Variants in SLC6A3 observed in about 807,000 individuals in gnomAD.
The protein encoded by SLC6A3 is sodium-dependent dopamine transporter.
In SLC6A3, 19 loss-of-function variants were observed where a neutral mutation model predicts 70.4. That is an observed-to-expected ratio of 0.27 (90% CI 0.19 to 0.40). SLC6A3 has a LOEUF of 0.40. Among genes scored for constraint, SLC6A3 ranks in the 10% least tolerant of loss-of-function variants. SLC6A3 has a pLI of 1.00. For missense variants in SLC6A3, 613 were observed against 838.5 expected (o/e 0.73, Z 3.32); for synonymous variants, 368 against 356.6 (o/e 1.03, Z -0.36).
At chr5:1,441,569 C>T in intron 2 of SLC6A3, 79 bp from the exon 3 acceptor site, 5 of 1,532,522 alleles carry the variant, frequency 3.3e-6, no homozygotes, top group Non-Finnish European at 4.4e-6. Flanking sequence ...GCGGCTACCC[C>T]AGTCAACCAT....
intron 14 of SLC6A3, among the ~76,000 whole-genome samples, chr5:1,399,375 C>T (rs963464583): frequency 1.4e-4 from 21 of 151,932 alleles, no homozygotes; most frequent in African/African-American, 3.9e-4. Context: ...TAGAAAAGAA[C>T]GAAGGATGCA....
chr5:1,441,049 C>T lies in SLC6A3; in HGVS notation c.418+310G>A, dbSNP rs369424758. Among the ~76,000 whole-genome samples, 14 of 152,262 alleles carry T rather than the reference C, an allele frequency of 9.2e-5. No individual in the cohort carries two copies. The East Asian group carries it at 9.6e-4, about 10-fold the overall frequency. On this transcript the variant is annotated intron_variant, in intron 3 of 14. Transcript: ENST00000270349. ...GATAACAGATGATTGACGGATGGAC[C>T]GATGGATGATAGGTAGATGGCAGAT...
intron 6 of SLC6A3, among the ~76,000 whole-genome samples, chr5:1,418,508 A>G (rs1420643575): frequency 2.0e-5 from 3 of 152,204 alleles, no homozygotes. Context: ...CTATGAATAT[A>G]TGAAGTACAT....
chr5:1,437,898 C>T lies in SLC6A3; in HGVS notation c.418+3461G>A, dbSNP rs1214206309. Among the ~76,000 whole-genome samples the T allele has an allele frequency of 6.6e-6, 1 of 152,208 alleles. No homozygotes were observed. On this transcript the variant is annotated intron_variant, in intron 3 of 14. Transcript: ENST00000270349. The surrounding 1 kb of genome is among the most constrained non-coding windows in gnomAD (Gnocchi z 4.8). ...CACGTGGCACTTCTATTCAATGAGA[C>T]ATGAAAACGTATGCATTTTTATTAA...
rs571542969 is a variant in SLC6A3, at chr5:1,402,867, G to A, written c.1767+55C>T. The A allele has an allele frequency of 1.5e-5, 24 of 1,576,852 alleles. No individual in the cohort carries two copies. Among genetic ancestry groups the A allele is most frequent in the South Asian group, 9.0e-5 (8 of 88,728 alleles). On this transcript the variant is annotated intron_variant, in intron 13 of 14. Transcript: ENST00000270349. The surrounding 1 kb of genome is among the most constrained non-coding windows in gnomAD (Gnocchi z 8.5). ...GAGGACTGGGGCCATGGACACCCAC[G>A]GAGCCTTTCTGGTGGCCTCACACTC...
chr5:1,414,446 G>T lies in SLC6A3; in HGVS notation c.1156+245C>A, dbSNP rs189367307. 0.046 allele frequency among the ~76,000 whole-genome samples: 4,117 copies of T among 89,656 alleles called. 173 individuals carry two copies. The highest frequency in any genetic ancestry group is 0.17 in the East Asian group (517 of 3,108). The allele number at this position is 89,656 out of a possible 152,430, so 58.8% of individuals were successfully genotyped here. A position where few individuals can be genotyped will look rare whatever the true frequency, so the allele number is the denominator to read the frequency against. On this transcript the variant is annotated intron_variant, in intron 8 of 14. Coordinates refer to ENST00000270349, the MANE Select transcript of SLC6A3 (RefSeq NM_001044.5). ...CGGAGAAGGCACTGGGTGGGGGGCC[G>T]GGAGGGGCAGGGCGGGGAAGGCGCT...
At chr5:1,427,929 T>C (rs1756609270) in intron 4 of SLC6A3, among the ~76,000 whole-genome samples, 1 of 152,178 alleles carries the variant, frequency 6.6e-6, no homozygotes. Flanking sequence ...TCTCAGTAAC[T>C]GATAGAGCAA....
At position 1,404,976 on chromosome 5, in the gene SLC6A3, A is replaced by G. The variant is rs1329019805; in HGVS notation, c.1599+1212T>C. ...CCAACGTCCTCATGCAAAACAGCTC[A>G]GTTTCAACTAATGGCGGGGGAGAGC... On this transcript the variant is annotated intron_variant, in intron 12 of 14. Transcript: ENST00000270349. The surrounding 1 kb of genome is among the most constrained non-coding windows in gnomAD (Gnocchi z 5.2). Among the ~76,000 whole-genome samples the G allele has an allele frequency of 6.6e-6, 1 of 152,220 alleles. No individual in the cohort carries two copies. The highest frequency in any genetic ancestry group is 1.5e-5 in the Non-Finnish European group (1 of 68,034).
intron 3 of SLC6A3, among the ~76,000 whole-genome samples, chr5:1,435,830 C>T (rs1218742008): frequency 7.2e-6 from 1 of 139,318 alleles, no homozygotes; most frequent in Non-Finnish European, 1.6e-5. Flanking sequence ...CCCTGGGCAC[C>T]TGGGTGAGGA....
chr5:1,420,522 T>A, intron 6 of SLC6A3, 47 bp downstream of exon 6: 1 of 1,610,750 alleles, frequency 6.2e-7, no homozygotes, highest in Non-Finnish European at 8.5e-7. Context: ...AACCTGGGAA[T>A]GCCAGAGCCC....
rs116412595 is a variant in SLC6A3, at chr5:1,403,371, T to C, written c.1600-282A>G. On this transcript the variant is annotated intron_variant, in intron 12 of 14. Coordinates refer to ENST00000270349, the MANE Select transcript of SLC6A3 (RefSeq NM_001044.5). ...TCTCCTCCCCTCCCCTCCCATCCTG[T>C]TCTGTCCCCTCCCCTCCCCTCCCAT... is the stretch of plus-strand genomic sequence containing the variant. Among the ~76,000 whole-genome samples, 4,565 of 92,838 alleles carry C rather than the reference T, an allele frequency of 0.049. 161 individuals are homozygous for C. The highest frequency in any genetic ancestry group is 0.055 in the African/African-American group (1,243 of 22,706). The allele number at this position is 92,838 out of a possible 152,430, so 60.9% of individuals were successfully genotyped here.
chr5:1,413,758 C>T lies in SLC6A3; in HGVS notation c.1156+933G>A, dbSNP rs528036854. On this transcript the variant is annotated intron_variant, in intron 8 of 14. Transcript: ENST00000270349. This position sits in a 1 kb window ranked among gnomAD's most constrained non-coding sequence, Gnocchi z 7.1. Reference sequence around the variant, plus strand: ...GGGGGCTCTGCTGGCTGACAGAGACCGAGAAGCCTTGGGACTCCCTGGAGC... The same window carrying T: ...GGGGGCTCTGCTGGCTGACAGAGACTGAGAAGCCTTGGGACTCCCTGGAGC... Among the ~76,000 whole-genome samples, 10 of 152,002 alleles carry T rather than the reference C, an allele frequency of 6.6e-5. No homozygotes were observed. The highest frequency in any genetic ancestry group is 1.9e-4 in the East Asian group (1 of 5,174).
intron 6 of SLC6A3, among the ~76,000 whole-genome samples, chr5:1,418,500 A>G (rs1430706521): frequency 6.6e-6 from 1 of 152,190 alleles, no homozygotes; most frequent in Non-Finnish European, 1.5e-5. Flanking sequence ...TCTATCATCT[A>G]TGAATATATG....
chr5:1,444,841 C>A (rs987888625), intron 1 of SLC6A3, among the ~76,000 whole-genome samples: 1 of 152,266 alleles, frequency 6.6e-6, no homozygotes, highest in Non-Finnish European at 1.5e-5. Context: ...AGAAGCGGCG[C>A]TGCCTGGCGA....
chr5:1,425,130 A>G (rs1315591076), intron 4 of SLC6A3, among the ~76,000 whole-genome samples: 1 of 152,222 alleles, frequency 6.6e-6, no homozygotes, highest in East Asian at 1.9e-4. Context: ...AGCACCTCCC[A>G]ATTTCTACTG....
chr5:1,394,436 C>G lies in SLC6A3; in HGVS notation c.*299G>C, dbSNP rs980087490. ...AGCAGGGAGCAGGGAGGGAGGGAGC[C>G]TCACACAGACAGCATGAAGTTAGAC... On this transcript the variant is annotated 3_prime_UTR_variant, in exon 15 of 15. Transcript: ENST00000270349. The surrounding 1 kb of genome is among the most constrained non-coding windows in gnomAD (Gnocchi z 4.7). 6 of 547,504 alleles carry G rather than the reference C, an allele frequency of 1.1e-5. No individual in the cohort carries two copies. The Admixed American group carries it at 1.8e-4, about 17-fold the overall frequency. The allele number at this position is 547,504 out of a possible 1,614,324, so 33.9% of individuals were successfully genotyped here.
intron 4 of SLC6A3, among the ~76,000 whole-genome samples, chr5:1,425,891 T>G (rs1344652028): frequency 6.6e-6 from 1 of 152,152 alleles, no homozygotes; most frequent in Non-Finnish European, 1.5e-5. Context: ...GGTATACAAA[T>G]GGCCAATAAA....
Position 1,421,990 on chromosome 5 carries a change from C to A in SLC6A3, c.678G>T (p.Gln226His). 6.2e-7 allele frequency: 1 copy of A among 1,612,682 alleles called. No homozygotes were observed. The highest frequency in any genetic ancestry group is 8.5e-7 in the Non-Finnish European group (1 of 1,180,026). Reference sequence around the variant, plus strand: ...GCCCCAGGTCGTCGATGCCATGGCTCTGGTGGAGGTGCAGCACGCCACGTC... The same window carrying A: ...GCCCCAGGTCGTCGATGCCATGGCTATGGTGGAGGTGCAGCACGCCACGTC... ...YFERGVLHLH[Q>H]SHGIDDLGPP... Residue 226 changes from glutamine to histidine, a missense_variant, in exon 5 of 15, where the codon CAG becomes CAT. Coordinates refer to ENST00000270349, the MANE Select transcript of SLC6A3 (RefSeq NM_001044.5). The surrounding 1 kb of genome is among the most constrained non-coding windows in gnomAD (Gnocchi z 7.2).
rs1755629752 is a variant in SLC6A3 at position 1,393,507 on chromosome 5, T to G, written c.*1228A>C. On this transcript the variant is annotated 3_prime_UTR_variant, in exon 15 of 15. Coordinates refer to ENST00000270349, the MANE Select transcript of SLC6A3 (RefSeq NM_001044.5). ...TGATGTGGCACGCACCTGAGAGAAATAAAATTCCAGTGGGGTCCCTTCCTG... is the reference window on the plus strand; with the variant it reads ...TGATGTGGCACGCACCTGAGAGAAAGAAAATTCCAGTGGGGTCCCTTCCTG... The G allele has an allele frequency of 6.5e-6, 1 of 154,048 alleles. No homozygotes were observed. Among genetic ancestry groups the G allele is most frequent in the South Asian group, 2.0e-4 (1 of 4,892 alleles). 9.5% of individuals were successfully genotyped at this position (154,048 alleles called of 1,614,324 possible). A position where few individuals can be genotyped will look rare whatever the true frequency, so the allele number is the denominator to read the frequency against.
Sources: gnomAD v4.1 joint callset for allele counts (sites outside exome capture counted in the v4.1 genomes callset) on GRCh38, gnomAD v4.1.1 for gene constraint, Gnocchi (gnomAD v3.1) non-coding constraint, MANE v1.5 for transcripts, NCBI Gene and HGNC (gene_info 2026-07-23, HGNC 2026-07-21) for gene names.